BMP1: variants seen among roughly 807,000 people sequenced by gnomAD.
The protein encoded by BMP1 is mammalian tolloid protein.
Under a neutral mutation model 116.8 loss-of-function variants are expected in BMP1, and 63 were observed. That is an observed-to-expected ratio of 0.54 (90% CI 0.44 to 0.67). The LOEUF (loss-of-function observed/expected upper bound fraction) is 0.67. Among genes scored for constraint, BMP1 ranks in the 30% least tolerant of loss-of-function variants. BMP1 has a pLI of 0.00. For synonymous variants in BMP1, 536 were observed against 533.4 expected (o/e 1.00, Z -0.07); for missense variants, 1,183 against 1,358.9 (o/e 0.87, Z 2.04).
At chr8:22,172,607 CTTTTTT>C (rs368585884) in intron 1 of BMP1, among the ~76,000 whole-genome samples, 10 of 97,320 alleles carry the variant, frequency 1.0e-4, no homozygotes, top group African/African-American at 3.2e-4. Context: ...TTTATTTCCT[CTTTTTT>C]TTTTTTTTTT....
chr8:22,193,997 G>A (rs1351013821), intron 9 of BMP1, 61 bp from the exon 10 acceptor site: 2 of 1,364,940 alleles, frequency 1.5e-6, no homozygotes, highest in African/African-American at 1.4e-5. Flanking sequence ...CTGGAGAGGT[G>A]GGGCCTCTAT....
In BMP1 at chr8:22,207,522, G is replaced by A. The variant is rs747249294; in HGVS notation, c.2575+6G>A. 6 of 1,611,926 alleles carry A rather than the reference G, an allele frequency of 3.7e-6. No homozygotes were observed. Among genetic ancestry groups the A allele is most frequent in the Non-Finnish European group, 5.1e-6 (6 of 1,179,306 alleles). On this transcript the variant is annotated splice_donor_region_variant and intron_variant, in intron 18 of 19. Coordinates refer to ENST00000306385, the MANE Select transcript of BMP1 (RefSeq NM_006129.5). ...CCAGGCCTCCCACGCCACAGGTACT[G>A]TCCCCGGTTGTGGGAGTGTTCACTG...
At chr8:22,195,709 C>G (rs1829065597) in intron 13 of BMP1, 122 bp downstream of exon 13, 1 of 1,383,508 alleles carries the variant, frequency 7.2e-7, no homozygotes, top group Non-Finnish European at 9.7e-7. Flanking sequence ...TACAGTGGCT[C>G]AATCTTAGCT....
rs367929326 is a variant in BMP1, at chr8:22,187,048, A to G, written c.1078-5001A>G. Among the ~76,000 whole-genome samples the G allele has an allele frequency of 9.2e-5, 14 of 152,030 alleles. No individual in the cohort carries two copies. The East Asian group carries it at 1.5e-3, about 17-fold the overall frequency. On this transcript the variant is annotated intron_variant, in intron 8 of 19. Transcript: ENST00000306385. The stretch of plus-strand genomic sequence containing the variant: ...GAGACAGAGTCTTACTCTGTTGCCC[A>G]GGCTGGAGTGCAGCTCACTGCAACC...
intron 8 of BMP1, among the ~76,000 whole-genome samples, chr8:22,190,395 G>A (rs1412896779): frequency 2.0e-5 from 3 of 152,180 alleles, no homozygotes; most frequent in African/African-American, 7.2e-5. Context: ...AGAGTAGATG[G>A]GGGTGACCGG....
At chr8:22,204,329 T>C (rs1042628696) in intron 16 of BMP1, among the ~76,000 whole-genome samples, 2 of 152,210 alleles carry the variant, frequency 1.3e-5, no homozygotes, top group Non-Finnish European at 2.9e-5. Flanking sequence ...TGCTGTATCT[T>C]GCCCATCCTT....
intron 18 of BMP1, among the ~76,000 whole-genome samples, chr8:22,208,385 A>G (rs1480301482): frequency 6.6e-6 from 1 of 152,070 alleles, no homozygotes; most frequent in Non-Finnish European, 1.5e-5. Flanking sequence ...TGAGCCCTTC[A>G]CTCCTGCCCC....
At chr8:22,174,650 T>G (rs1415475272) in intron 2 of BMP1, among the ~76,000 whole-genome samples, 1 of 143,014 alleles carries the variant, frequency 7.0e-6, no homozygotes, top group Non-Finnish European at 1.5e-5. Context: ...TTTTTTTTTT[T>G]GAGACAGGGT....
rs1828554239 is a variant in BMP1 at position 22,179,631 on chromosome 8, C to A, written c.837-74C>A. On this transcript the variant is annotated intron_variant, in intron 6 of 19. Transcript: ENST00000306385. The surrounding 1 kb of genome is among the most constrained non-coding windows in gnomAD (Gnocchi z 4.6). ...CCAGCAGGGTCGTGACTTGTGGGTACAGATGGGCATGCCACCCACTCCCTG... is the reference window on the plus strand; with the variant it reads ...CCAGCAGGGTCGTGACTTGTGGGTAAAGATGGGCATGCCACCCACTCCCTG... 2 of 1,604,342 alleles carry A rather than the reference C, an allele frequency of 1.2e-6. No homozygotes were observed. Among genetic ancestry groups the A allele is most frequent in the African/African-American group, 1.3e-5 (1 of 74,666 alleles).
intron 9 of BMP1, among the ~76,000 whole-genome samples, chr8:22,193,041 G>T (rs1828979947): frequency 6.6e-6 from 1 of 152,200 alleles, no homozygotes; most frequent in South Asian, 2.1e-4. Flanking sequence ...GTTTTTCCAA[G>T]ATGGGAGTTT....
rs372332678 is a variant in BMP1, at chr8:22,165,438, C to T, written c.33C>T (p.Leu11=). The stretch of plus-strand genomic sequence containing the variant: ...GCGTGGCCCGCCTGCCGCTGCTGCT[C>T]GGGCTGCTGCTGCTCCCGCGTCCCG... The part of the protein sequence containing the change: MPGVARLPLL[L]GLLLLPRPGR... The change falls in exon 1 of 20, where the codon CTC becomes CTT. Residue 11 remains leucine, a synonymous_variant. Transcript: ENST00000306385. 151 of 1,564,570 alleles carry T rather than the reference C, an allele frequency of 9.7e-5. No homozygotes were observed. The African/African-American group carries it at 1.9e-3, about 20-fold the overall frequency.
intron 5 of BMP1, chr8:22,177,567 G>T (rs1471098458): frequency 5.4e-6 from 4 of 739,868 alleles, no homozygotes; most frequent in Non-Finnish European, 1.0e-5. Context: ...TCTCTCCCAG[G>T]CGTTCTCCAC....
Position 22,197,369 on chromosome 8 carries a change from A to C in BMP1, c.2056A>C (p.Lys686Gln). ...SQYNNMRVEF[K>Q]SDNTVSKKGF... ...GTACAACAACATGCGCGTGGAGTTC[A>C]AGTCCGACAACACCGTGTCCAAAAA... The change falls in exon 15 of 20, where the codon AAG (lysine) becomes CAG (glutamine). Residue 686 changes from lysine (K) to glutamine (Q), a missense_variant. Physicochemically the swap from Lys to Gln is moderately conservative, Grantham distance 53. Around this residue, in one of 4 missense-constraint regions of BMP1, gnomAD observed 956 missense variants for 1,135.2 expected, o/e 0.84. Transcript: ENST00000306385. 6.2e-7 allele frequency: 1 copy of C among 1,613,598 alleles called. No homozygotes were observed. The highest frequency in any genetic ancestry group is 8.5e-7 in the Non-Finnish European group (1 of 1,179,576).
chr8:22,206,942 G>C lies in BMP1; in HGVS notation c.2322G>C (p.Thr774=), dbSNP rs138999760. The part of the protein sequence containing the change: ...PDKYPSKKEC[T]WAISSTPGHR... ...AGTATCCCAGCAAGAAGGAGTGCAC[G>C]TGGGCCATCTCCAGCACCCCCGGGC... The change falls in exon 17 of 20, where the codon ACG becomes ACC. Residue 774 remains threonine (T), a synonymous_variant. Transcript: ENST00000306385. The C allele has an allele frequency of 6.2e-7, 1 of 1,614,184 alleles. No homozygotes were observed. The highest frequency in any genetic ancestry group is 8.5e-7 in the Non-Finnish European group (1 of 1,180,020).
chr8:22,209,146 G>C (rs1405277180), intron 18 of BMP1, among the ~76,000 whole-genome samples: 1 of 152,128 alleles, frequency 6.6e-6, no homozygotes, highest in Non-Finnish European at 1.5e-5. Context: ...CCATCAGCTG[G>C]AGAAAATGAG....
intron 15 of BMP1, chr8:22,199,257 C>T (rs1829187487): frequency 7.3e-6 from 10 of 1,367,462 alleles, no homozygotes; most frequent in Non-Finnish European, 9.8e-6. Flanking sequence ...TGACTCTGGC[C>T]CCCCAGGAGG....
intron 1 of BMP1, among the ~76,000 whole-genome samples, chr8:22,165,880 T>TGC (rs1476373937): frequency 4.4e-5 from 6 of 136,772 alleles, no homozygotes; most frequent in Non-Finnish European, 7.8e-5. Flanking sequence ...CTCCTGTGCG[T>TGC]GCGTGTGTGT....
In BMP1 at chr8:22,165,489, C is replaced by T. The variant is rs779217315; in HGVS notation, c.84C>T (p.Tyr28=). The part of the protein sequence containing the change: ...RPGRPLDLAD[Y]TYDLAEEDDS... The stretch of plus-strand genomic sequence containing the variant: ...GCCGGCCGCTGGACTTGGCCGACTA[C>T]ACCTATGACCTGGCGGAGGAGGACG... Residue 28 remains tyrosine (Y), a synonymous_variant, in exon 1 of 20, where the codon TAC becomes TAT. Transcript: ENST00000306385. 6.3e-7 allele frequency: 1 copy of T among 1,592,232 alleles called. No homozygotes were observed. The highest frequency in any genetic ancestry group is 1.7e-5 in the Admixed American group (1 of 57,860).
rs910246370 is a variant in BMP1, at chr8:22,165,426, G to A, written c.21G>A (p.Leu7=). The change falls in exon 1 of 20, where the codon CTG becomes CTA. Residue 7 remains leucine, a synonymous_variant. Coordinates refer to ENST00000306385, the MANE Select transcript of BMP1 (RefSeq NM_006129.5). MPGVAR[L]PLLLGLLLLP... ...CCAGCATGCCCGGCGTGGCCCGCCT[G>A]CCGCTGCTGCTCGGGCTGCTGCTGC... 1.3e-6 allele frequency: 2 copies of A among 1,548,176 alleles called. No homozygotes were observed. The highest frequency in any genetic ancestry group is 1.7e-6 in the Non-Finnish European group (2 of 1,153,310).
Sources: gnomAD v4.1 joint callset for allele counts (sites outside exome capture counted in the v4.1 genomes callset) on GRCh38, gnomAD v4.1.1 for gene constraint, gnomAD v4.1.1 regional missense constraint, Gnocchi (gnomAD v3.1) non-coding constraint, MANE v1.5 for transcripts, NCBI Gene and HGNC (gene_info 2026-07-23, HGNC 2026-07-21) for gene names.